Variants in TUSC3 observed in about 807,000 individuals in gnomAD.
TUSC3 encodes the protein dolichyl-diphosphooligosaccharide--protein glycosyltransferase subunit TUSC3.
Under a neutral mutation model 44.8 loss-of-function variants are expected in TUSC3, and 45 were observed. The ratio of observed to expected loss-of-function variants is 1.00; its 90% confidence interval spans 0.79 to 1.29. TUSC3 has a LOEUF of 1.29. Among genes scored for constraint, TUSC3 ranks in the 50% most tolerant of loss-of-function variants. The pLI, the probability that TUSC3 is intolerant of heterozygous loss-of-function variation, is 0.00. For missense variants in TUSC3, 519 were observed against 437.9 expected (o/e 1.19, Z -1.65); for synonymous variants, 212 against 152.9 (o/e 1.39, Z -2.85).
intron 1 of TUSC3, among the ~76,000 whole-genome samples, chr8:15,431,172 TGTG>T (rs1345647492): frequency 6.6e-6 from 1 of 151,794 alleles, no homozygotes; most frequent in Non-Finnish European, 1.5e-5. Context: ...CTTGGTCTAT[TGTG>T]GTTCCCTATG....
At chr8:15,801,212 C>T in the TUSC3 span, among the ~76,000 whole-genome samples, 1 of 152,190 alleles carries the variant, frequency 6.6e-6, no homozygotes, top group Non-Finnish European at 1.5e-5. Flanking sequence ...ACGCACGCCT[C>T]TCCTTTTTAG....
chr8:15,506,929 C>T (rs187445471), intron 2 of TUSC3, among the ~76,000 whole-genome samples: 1 of 152,188 alleles, frequency 6.6e-6, no homozygotes, highest in African/African-American at 2.4e-5. Context: ...TCTTGGTCGG[C>T]TAGGCTTAGA....
In TUSC3 at chr8:15,766,188, G is replaced by A. The variant is rs1337363461; in HGVS notation, c.*2032G>A. On this transcript the variant is annotated 3_prime_UTR_variant, in exon 11 of 11. Coordinates refer to ENST00000503731, the MANE Select transcript of TUSC3 (RefSeq NM_006765.4). ...TTTTCAGAATTTCATGCTTTAAAAA[G>A]CTGTGGCTTCTCTATAGACAACTGT... 4 of 151,838 alleles carry A rather than the reference G, an allele frequency of 2.6e-5. No homozygotes were observed. Among genetic ancestry groups the A allele is most frequent in the African/African-American group, 9.7e-5 (4 of 41,342 alleles). The allele number at this position is 151,838 out of a possible 1,614,324, so 9.4% of individuals were successfully genotyped here. A position where few individuals can be genotyped will look rare whatever the true frequency, so the allele number is the denominator to read the frequency against.
At chr8:15,823,291 C>T in the TUSC3 span, among the ~76,000 whole-genome samples, 6 of 152,154 alleles carry the variant, frequency 3.9e-5, no homozygotes, top group South Asian at 2.1e-4. Flanking sequence ...CCAAATTTGT[C>T]GTTTTCATTA....
intron 2 of TUSC3, among the ~76,000 whole-genome samples, chr8:15,514,119 T>C (rs1050672160): frequency 3.3e-5 from 5 of 152,198 alleles, no homozygotes; most frequent in African/African-American, 1.2e-4. Flanking sequence ...TTTCTGTTAG[T>C]GTAAAGTCTA....
intron 1 of TUSC3, among the ~76,000 whole-genome samples, chr8:15,601,926 TA>T (rs935041995): frequency 1.3e-5 from 2 of 151,382 alleles, no homozygotes; most frequent in Non-Finnish European, 3.0e-5. Context: ...TATTTTTTTT[TA>T]GTTTCCAGAA....
At chr8:15,819,384 A>G in the TUSC3 span, among the ~76,000 whole-genome samples, 1 of 30,452 alleles carries the variant, frequency 3.3e-5, no homozygotes, top group Non-Finnish European at 7.5e-5. Context: ...TCTTGGTTTT[A>G]TTGAATTTTC....
chr8:15,524,656 G>A (rs28554152), intron 2 of TUSC3, among the ~76,000 whole-genome samples: 1 of 152,074 alleles, frequency 6.6e-6, no homozygotes, highest in East Asian at 1.9e-4. Flanking sequence ...TATTTTGCAG[G>A]TAGCTAAAGA....
At chr8:15,481,418 T>C (rs1244042247) in intron 1 of TUSC3, among the ~76,000 whole-genome samples, 1 of 152,158 alleles carries the variant, frequency 6.6e-6, no homozygotes, top group East Asian at 1.9e-4. Flanking sequence ...TTTTGCTCTT[T>C]CTTGGCTTTT....
chr8:15,824,500 T>C, the TUSC3 span, among the ~76,000 whole-genome samples: 2 of 150,904 alleles, frequency 1.3e-5, no homozygotes, highest in East Asian at 2.0e-4. Flanking sequence ...CAGCAAACTA[T>C]CGCAAGGACA....
At chr8:15,687,129 A>T (rs554350160) in intron 6 of TUSC3, among the ~76,000 whole-genome samples, 1 of 152,334 alleles carries the variant, frequency 6.6e-6, no homozygotes, top group African/African-American at 2.4e-5. Context: ...TACATTAAGG[A>T]TATACAGAAA....
the TUSC3 span, among the ~76,000 whole-genome samples, chr8:15,851,485 G>A: frequency 1.3e-5 from 2 of 152,144 alleles, no homozygotes; most frequent in African/African-American, 4.8e-5. Context: ...CACATATAGA[G>A]AAAACTGCAA....
intron 1 of TUSC3, among the ~76,000 whole-genome samples, chr8:15,445,708 T>A (rs1172620378): frequency 1.3e-5 from 2 of 152,222 alleles, no homozygotes; most frequent in Admixed American, 6.5e-5. Context: ...GTCTCCTATG[T>A]CTACTTCTTT....
intron 6 of TUSC3, among the ~76,000 whole-genome samples, chr8:15,728,502 G>A (rs1034769690): frequency 3.3e-5 from 5 of 151,952 alleles, no homozygotes; most frequent in Non-Finnish European, 5.9e-5. Context: ...TAAAGGCAAG[G>A]AAAAGAGTGA....
At chr8:15,526,775 T>G (rs1801379030) in intron 2 of TUSC3, among the ~76,000 whole-genome samples, 1 of 152,138 alleles carries the variant, frequency 6.6e-6, no homozygotes, top group Non-Finnish European at 1.5e-5. Context: ...AGTCCACATA[T>G]AAAATGATAA....
chr8:15,457,731 A>T (rs1036023569), intron 1 of TUSC3, among the ~76,000 whole-genome samples: 3 of 148,738 alleles, frequency 2.0e-5, no homozygotes. Context: ...TAATAAAATA[A>T]AATATCTAAT....
At chr8:15,818,565 A>C in the TUSC3 span, among the ~76,000 whole-genome samples, 3 of 152,212 alleles carry the variant, frequency 2.0e-5, no homozygotes, top group Non-Finnish European at 4.4e-5. Flanking sequence ...ACTTCTAAAG[A>C]GTAGAGAAAT....
chr8:15,546,557 C>T (rs1420606793), intron 1 of TUSC3, among the ~76,000 whole-genome samples: 1 of 151,564 alleles, frequency 6.6e-6, no homozygotes, highest in Admixed American at 6.6e-5. Flanking sequence ...TTTTGGGAGA[C>T]AGAGTTTTGC....
chr8:15,628,592 A>G (rs746898468), intron 2 of TUSC3, among the ~76,000 whole-genome samples: 33 of 152,306 alleles, frequency 2.2e-4, no homozygotes, highest in Non-Finnish European at 3.4e-4. Context: ...GTTAAAATCT[A>G]TTGTGCAAAG....
Sources: gnomAD v4.1 joint callset for allele counts (sites outside exome capture counted in the v4.1 genomes callset) on GRCh38, gnomAD v4.1.1 for gene constraint, MANE v1.5 for transcripts, NCBI Gene and HGNC (gene_info 2026-07-23, HGNC 2026-07-21) for gene names.